DNAH8: variants seen among roughly 807,000 people sequenced by gnomAD.
DNAH8 encodes axonemal beta dynein heavy chain 8.
A neutral mutation model predicts 562.1 loss-of-function variants in DNAH8; 382 were observed. That is an observed-to-expected ratio of 0.68 (90% CI 0.63 to 0.74). The LOEUF is 0.74. DNAH8 is among the 30% of genes least tolerant of loss of function. The pLI, the probability that DNAH8 is intolerant of heterozygous loss-of-function variation, is 0.00. For synonymous variants in DNAH8, 1,881 were observed against 1,919.4 expected (o/e 0.98, Z 0.52); for missense variants, 5,203 against 5,620.4 (o/e 0.93, Z 2.37).
At chr6:38,918,725 C>T (rs1045516601) in intron 70 of DNAH8, among the ~76,000 whole-genome samples, 1 of 152,140 alleles carries the variant, frequency 6.6e-6, no homozygotes, top group Non-Finnish European at 1.5e-5. Flanking sequence ...CAAAGCTGGT[C>T]TTCATGGATG....
chr6:38,932,215 CA>C (rs1782606338), intron 76 of DNAH8, among the ~76,000 whole-genome samples: 2 of 150,580 alleles, frequency 1.3e-5, no homozygotes, highest in African/African-American at 5.0e-5. Context: ...CACACACACA[CA>C]CCCGTCTCTT....
intron 62 of DNAH8, among the ~76,000 whole-genome samples, chr6:38,900,622 C>CT (rs548790228): frequency 0.066 from 9,594 of 145,886 alleles, 334 homozygotes; most frequent in African/African-American, 0.075. Context: ...TTTAGCAAAT[C>CT]TTTTTTTTTT....
intron 71 of DNAH8, 100 bp downstream of exon 71, chr6:38,921,606 A>G: frequency 8.5e-6 from 11 of 1,297,048 alleles, no homozygotes; most frequent in Non-Finnish European, 1.2e-5. Context: ...ATGAAAAAAT[A>G]TTGGCCAGCA....
chr6:38,829,097 T>A (rs1422521739), intron 30 of DNAH8, among the ~76,000 whole-genome samples: 1 of 152,208 alleles, frequency 6.6e-6, no homozygotes, highest in Admixed American at 6.5e-5. Flanking sequence ...ATAGAGCATG[T>A]TTTCATGTGG....
At chr6:38,865,687 A>T (rs182300073) in intron 45 of DNAH8, among the ~76,000 whole-genome samples, 2 of 152,200 alleles carry the variant, frequency 1.3e-5, no homozygotes, top group Non-Finnish European at 2.9e-5. Context: ...CGCAGTGTAG[A>T]ATATAATCAC....
chr6:38,929,657 C>G lies in DNAH8; in HGVS notation c.11265C>G (p.Thr3755=). The change falls in exon 75 of 93, where the codon ACC becomes ACG. Residue 3755 remains threonine (T), a synonymous_variant. Coordinates refer to ENST00000327475, the MANE Select transcript of DNAH8 (RefSeq NM_001206927.2). ...AAAAGAATTTTATTAAATCTGGCAC[C>G]ACTTTCAAGGTGAGCTTTGTAAAAA... ...VLEKNFIKSG[T]TFKVKVGDKE... The G allele has an allele frequency of 6.6e-7, 1 of 1,523,500 alleles. No homozygotes were observed. The highest frequency in any genetic ancestry group is 8.8e-7 in the Non-Finnish European group (1 of 1,135,720). The allele number at this position is 1,523,500 out of a possible 1,614,324, so 94.4% of individuals were successfully genotyped here.
chr6:38,795,821 T>C (rs1046293687), intron 21 of DNAH8, among the ~76,000 whole-genome samples: 3 of 152,132 alleles, frequency 2.0e-5, no homozygotes, highest in Non-Finnish European at 4.4e-5. Context: ...ACAATATATG[T>C]AACATTAATT....
intron 86 of DNAH8, 109 bp downstream of exon 86, chr6:38,982,571 C>G (rs1764107939): frequency 4.5e-6 from 3 of 670,634 alleles, no homozygotes; most frequent in Non-Finnish European, 7.9e-6. Flanking sequence ...CCCCATGGAG[C>G]CCCCTTTGAA....
chr6:38,821,695 T>C (rs1416373902), intron 26 of DNAH8, among the ~76,000 whole-genome samples: 1 of 152,080 alleles, frequency 6.6e-6, no homozygotes, highest in African/African-American at 2.4e-5. Flanking sequence ...TCCAAGTAGA[T>C]GGGACTACCG....
In DNAH8 at chr6:38,945,414, T is replaced by C; in HGVS notation, c.12008-53T>C. 1.3e-6 allele frequency: 2 copies of C among 1,582,666 alleles called. 1 individual carries two copies. The highest frequency in any genetic ancestry group is 2.3e-5 in the South Asian group (2 of 87,228). ...TTTTATTATTTGAAAAGTACATTTC[T>C]AGAAGTGAAGTACAGGCTTACCCAA... On this transcript the variant is annotated intron_variant, in intron 79 of 92. Transcript: ENST00000327475.
intron 73 of DNAH8, among the ~76,000 whole-genome samples, chr6:38,925,476 A>C (rs192981384): frequency 1.3e-5 from 2 of 152,086 alleles, no homozygotes; most frequent in East Asian, 3.9e-4. Context: ...GATTATAGGC[A>C]TGAACCACTG....
intron 82 of DNAH8, among the ~76,000 whole-genome samples, chr6:38,955,276 T>C (rs1762170038): frequency 6.6e-6 from 1 of 150,736 alleles, no homozygotes; most frequent in African/African-American, 2.4e-5. Context: ...ATCTGGCCCA[T>C]TTTCCTCTTT....
chr6:38,943,934 T>C (rs1270473320), intron 79 of DNAH8, among the ~76,000 whole-genome samples: 2 of 152,128 alleles, frequency 1.3e-5, no homozygotes, highest in African/African-American at 4.8e-5. Context: ...GGGATTCATG[T>C]TTTTTTGTTC....
At chr6:38,934,843 A>G (rs1197118855) in intron 76 of DNAH8, among the ~76,000 whole-genome samples, 2 of 152,368 alleles carry the variant, frequency 1.3e-5, no homozygotes, top group Admixed American at 6.5e-5. Flanking sequence ...GATAACAACA[A>G]TAACAATAAT....
chr6:39,019,220 T>C (rs1248249409), intron 91 of DNAH8, among the ~76,000 whole-genome samples: 1 of 151,966 alleles, frequency 6.6e-6, no homozygotes, highest in Non-Finnish European at 1.5e-5. Flanking sequence ...CACTCACAGA[T>C]GGAGAAATGT....
In DNAH8 at chr6:38,938,019, C is replaced by T. The variant is rs1191358823; in HGVS notation, c.11609C>T (p.Thr3870Ile). The T allele has an allele frequency of 1.2e-6, 2 of 1,613,848 alleles. No homozygotes were observed. Among genetic ancestry groups the T allele is most frequent in the Non-Finnish European group, 1.7e-6 (2 of 1,179,974 alleles). Reference sequence around the variant, plus strand: ...TCTCTCATTGGTGTACTTCGAACTACCAAGCAGACAGCAGCTGAGGTAAGT... The same window carrying T: ...TCTCTCATTGGTGTACTTCGAACTATCAAGCAGACAGCAGCTGAGGTAAGT... ...DESLIGVLRT[T>I]KQTAAEVSEK... Residue 3870 changes from threonine to isoleucine, a missense_variant, in exon 78 of 93, where the codon ACC (threonine) becomes ATC (isoleucine). By Grantham distance (89) the Thr-to-Ile change is moderately conservative. Around this residue, in one of 6 missense-constraint regions of DNAH8, gnomAD observed 1,399 missense variants for 1,518.4 expected, o/e 0.92. Coordinates refer to ENST00000327475, the MANE Select transcript of DNAH8 (RefSeq NM_001206927.2).
chr6:38,719,008 CTCTTTG>C (rs1762545491), intron 1 of DNAH8, among the ~76,000 whole-genome samples: 1 of 152,156 alleles, frequency 6.6e-6, no homozygotes, highest in Non-Finnish European at 1.5e-5. Flanking sequence ...CCATGAAATC[CTCTTTG>C]TCTATTTTGT....
intron 8 of DNAH8, among the ~76,000 whole-genome samples, chr6:38,743,353 T>C (rs1764675652): frequency 6.6e-6 from 1 of 152,190 alleles, no homozygotes; most frequent in Admixed American, 6.5e-5. Flanking sequence ...TCCCTGTTTG[T>C]GGACCAATTT....
chr6:38,763,681 C>T (rs1427980209), intron 11 of DNAH8: 1 of 165,490 alleles, frequency 6.0e-6, no homozygotes, highest in African/African-American at 2.4e-5. Flanking sequence ...TTGGTGCGCA[C>T]CTGTAGTCCC....
Sources: allele counts gnomAD v4.1 joint callset (sites outside exome capture counted in the v4.1 genomes callset), GRCh38; gene constraint gnomAD v4.1.1; regional missense constraint gnomAD v4.1.1; transcripts MANE v1.5; gene names NCBI Gene and HGNC (gene_info 2026-07-23, HGNC 2026-07-21).